Variants in CDH20 observed in about 807,000 individuals in gnomAD.
CDH20 encodes the protein cadherin-20.
Under a neutral mutation model 74.2 loss-of-function variants are expected in CDH20, and 29 were observed. That is an observed-to-expected ratio of 0.39 (90% CI 0.29 to 0.53). The LOEUF is 0.53. CDH20 is among the 20% of genes least tolerant of loss of function. The pLI, the probability that CDH20 is intolerant of heterozygous loss-of-function variation, is 0.69. For missense variants in CDH20, 988 were observed against 1,048.3 expected (o/e 0.94, Z 0.79); for synonymous variants, 469 against 405.4 (o/e 1.16, Z -1.88).
At chr18:61,386,098 A>G (rs1188096771) in intron 1 of CDH20, among the ~76,000 whole-genome samples, 1 of 152,218 alleles carries the variant, frequency 6.6e-6, no homozygotes, top group African/African-American at 2.4e-5. Context: ...ATATACTGCA[A>G]CAATTACTTG....
chr18:61,345,485 C>G (rs1426796910), intron 1 of CDH20, among the ~76,000 whole-genome samples: 4 of 152,104 alleles, frequency 2.6e-5, no homozygotes, highest in Non-Finnish European at 4.4e-5. Flanking sequence ...TCACAACCCG[C>G]CCAGGTACAT....
intron 9 of CDH20, among the ~76,000 whole-genome samples, chr18:61,540,627 A>C (rs1410052296): frequency 2.6e-5 from 4 of 152,166 alleles, no homozygotes; most frequent in African/African-American, 9.7e-5. Flanking sequence ...ATCTCCCATT[A>C]GGTCCCTCCC....
chr18:61,461,776 A>T (rs1217207135), intron 1 of CDH20, among the ~76,000 whole-genome samples: 1 of 152,154 alleles, frequency 6.6e-6, no homozygotes, highest in East Asian at 1.9e-4. Context: ...CTGGGGTCCA[A>T]ATATCCTCTA....
At chr18:61,337,113 G>C (rs1187867875) in intron 1 of CDH20, among the ~76,000 whole-genome samples, 2 of 152,150 alleles carry the variant, frequency 1.3e-5, no homozygotes, top group South Asian at 2.1e-4. Context: ...GAAAATAAGA[G>C]CAAGAGAGAA....
chr18:61,541,036 G>A (rs1332229148), intron 9 of CDH20, among the ~76,000 whole-genome samples: 1 of 152,070 alleles, frequency 6.6e-6, no homozygotes, highest in East Asian at 1.9e-4. Context: ...ACTAAGACCT[G>A]AAATGTTATG....
chr18:61,471,779 T>C (rs2144382153), intron 1 of CDH20, among the ~76,000 whole-genome samples: 1 of 152,332 alleles, frequency 6.6e-6, no homozygotes, highest in Middle Eastern at 3.4e-3. Context: ...CATTCCTGGC[T>C]GTCGGTAATG....
intron 1 of CDH20, among the ~76,000 whole-genome samples, chr18:61,338,413 T>C (rs1022733411): frequency 6.6e-6 from 1 of 152,212 alleles, no homozygotes; most frequent in African/African-American, 2.4e-5. Context: ...TAATTACATA[T>C]GGATTAACTT....
chr18:61,383,674 TCTA>T (rs762023024), intron 1 of CDH20, among the ~76,000 whole-genome samples: 21 of 152,340 alleles, frequency 1.4e-4, no homozygotes, highest in Non-Finnish European at 2.1e-4. Flanking sequence ...TATCTGAAAT[TCTA>T]CTGAGAGTAA....
At position 61,490,737 on chromosome 18, in the gene CDH20, G is replaced by C; in HGVS notation, c.184G>C (p.Val62Leu). The stretch of plus-strand genomic sequence containing the variant: ...ACATCAGCGGACCAAGAGGAGCTGG[G>C]TTTGGAACCAGTTTTTCGTTCTGGA... ...QSHQRTKRSWVWNQFFVLEEY... is the reference protein window; with the variant it reads ...QSHQRTKRSWLWNQFFVLEEY... The change falls in exon 2 of 12, where the codon GTT becomes CTT. Residue 62 changes from valine to leucine, a missense_variant. Val to Leu is a conservative substitution (Grantham distance 32). Around this residue, in one of 2 missense-constraint regions of CDH20, gnomAD observed 613 missense variants for 755.2 expected, o/e 0.81. Coordinates refer to ENST00000262717, the MANE Select transcript of CDH20 (RefSeq NM_031891.4). The C allele has an allele frequency of 6.2e-7, 1 of 1,614,166 alleles. No homozygotes were observed. Among genetic ancestry groups the C allele is most frequent in the Non-Finnish European group, 8.5e-7 (1 of 1,180,030 alleles).
intron 1 of CDH20, among the ~76,000 whole-genome samples, chr18:61,383,901 C>T (rs1410415006): frequency 1.3e-5 from 2 of 152,074 alleles, no homozygotes; most frequent in Admixed American, 6.6e-5. Flanking sequence ...AGGGGAAGAA[C>T]GGGACATGAT....
intron 1 of CDH20, among the ~76,000 whole-genome samples, chr18:61,469,100 A>G (rs1910067705): frequency 6.6e-6 from 1 of 152,192 alleles, no homozygotes; most frequent in African/African-American, 2.4e-5. Flanking sequence ...CTGCAATAGC[A>G]CTGTGATTCT....
chr18:61,414,938 T>C, intron 1 of CDH20, among the ~76,000 whole-genome samples: 1 of 152,132 alleles, frequency 6.6e-6, no homozygotes, highest in East Asian at 1.9e-4. Flanking sequence ...GAACTTCGTA[T>C]TTCCAAACTG....
chr18:61,460,026 C>T (rs1909715278), intron 1 of CDH20, among the ~76,000 whole-genome samples: 1 of 152,174 alleles, frequency 6.6e-6, no homozygotes. Context: ...TGACCTTCTT[C>T]TCTGTGTGAT....
At chr18:61,432,288 C>T (rs534545564) in intron 1 of CDH20, among the ~76,000 whole-genome samples, 16 of 151,450 alleles carry the variant, frequency 1.1e-4, no homozygotes, top group African/African-American at 3.4e-4. Context: ...TATATGGTCA[C>T]CCTACTGTGC....
Position 61,554,680 on chromosome 18 carries a change from C to G in CDH20, c.2391C>G (p.Pro797=). ...AGCTCTACGGGGCGTCGGAGGGACC[C>G]GCGCCGCTGTGGTGACGGAAGCCAG... ...LAELYGASEG[P]APLW Residue 797 remains proline, a synonymous_variant, in exon 12 of 12, where the codon CCC becomes CCG. Transcript: ENST00000262717. The G allele has an allele frequency of 6.4e-7, 1 of 1,572,480 alleles. No homozygotes were observed. Among genetic ancestry groups the G allele is most frequent in the Non-Finnish European group, 8.6e-7 (1 of 1,158,222 alleles).
At chr18:61,350,118 A>G (rs1287265055) in intron 1 of CDH20, among the ~76,000 whole-genome samples, 1 of 151,820 alleles carries the variant, frequency 6.6e-6, no homozygotes, top group African/African-American at 2.4e-5. Context: ...TTATCCTCCC[A>G]CTAGGTCCCC....
chr18:61,478,762 G>T lies in CDH20; in HGVS notation c.-152-11640G>T, dbSNP rs144658900. 2.0e-4 allele frequency among the ~76,000 whole-genome samples: 30 copies of T among 152,230 alleles called. No homozygotes were observed. The East Asian group carries it at 4.8e-3, about 24-fold the overall frequency. Reference sequence around the variant, plus strand: ...GATGAAGGTGGAGCTTAGTAAACGGGAAAGTGGCAATAAAGAACGGGGGAA... The same window carrying T: ...GATGAAGGTGGAGCTTAGTAAACGGTAAAGTGGCAATAAAGAACGGGGGAA... On this transcript the variant is annotated intron_variant, in intron 1 of 11. Coordinates refer to ENST00000262717, the MANE Select transcript of CDH20 (RefSeq NM_031891.4).
chr18:61,352,640 A>T (rs1910345666), intron 1 of CDH20, among the ~76,000 whole-genome samples: 1 of 152,246 alleles, frequency 6.6e-6, no homozygotes, highest in Admixed American at 6.5e-5. Context: ...AATGTAATAA[A>T]TAATAATTAC....
At chr18:61,399,254 C>T (rs111370248) in intron 1 of CDH20, among the ~76,000 whole-genome samples, 85 of 151,640 alleles carry the variant, frequency 5.6e-4, no homozygotes, top group African/African-American at 1.8e-3. Context: ...CAGAGCAGGA[C>T]GTCTGAGAAG....
Sources: gnomAD v4.1 joint callset for allele counts (sites outside exome capture counted in the v4.1 genomes callset) on GRCh38, gnomAD v4.1.1 for gene constraint, gnomAD v4.1.1 regional missense constraint, MANE v1.5 for transcripts, NCBI Gene and HGNC (gene_info 2026-07-23, HGNC 2026-07-21) for gene names.